AMPH: variants seen among roughly 807,000 people sequenced by gnomAD.
AMPH encodes the protein amphiphysin (Stiff-Mann syndrome with breast cancer 128kD autoantigen).
In AMPH, 49 loss-of-function variants were observed where a neutral mutation model predicts 99.1. The ratio of observed to expected loss-of-function variants is 0.49; its 90% confidence interval spans 0.39 to 0.63. AMPH has a LOEUF of 0.63. Ranked by LOEUF, AMPH falls within the 20% of genes least tolerant of loss-of-function variation. The pLI, the probability that AMPH is intolerant of heterozygous loss-of-function variation, is 0.00. For synonymous variants in AMPH, 314 were observed against 317.3 expected (o/e 0.99, Z 0.11); for missense variants, 759 against 863.4 (o/e 0.88, Z 1.52).
At chr7:38,508,629 G>C (rs1040232059) in intron 2 of AMPH, among the ~76,000 whole-genome samples, 3 of 152,164 alleles carry the variant, frequency 2.0e-5, no homozygotes, top group African/African-American at 7.2e-5. Context: ...TCATAAAGTT[G>C]CAATTTTACA....
intron 17 of AMPH, among the ~76,000 whole-genome samples, chr7:38,413,971 T>C (rs1785290997): frequency 6.6e-6 from 1 of 152,204 alleles, no homozygotes; most frequent in Non-Finnish European, 1.5e-5. Context: ...AACCTCTGTG[T>C]AACGTGCATC....
chr7:38,480,136 C>A (rs1160846574), intron 5 of AMPH, among the ~76,000 whole-genome samples: 1 of 152,034 alleles, frequency 6.6e-6, no homozygotes, highest in Non-Finnish European at 1.5e-5. Context: ...TAGCAACCTA[C>A]AGAATGAGTG....
intron 1 of AMPH, among the ~76,000 whole-genome samples, chr7:38,535,546 C>T (rs1209794513): frequency 6.6e-6 from 1 of 152,170 alleles, no homozygotes; most frequent in Non-Finnish European, 1.5e-5. Flanking sequence ...AAGCACACTA[C>T]ATTTATTGTG....
intron 17 of AMPH, 76 bp from the exon 18 acceptor site, chr7:38,394,290 T>C: frequency 6.8e-7 from 1 of 1,470,754 alleles, no homozygotes; most frequent in East Asian, 2.3e-5. Flanking sequence ...AGCCTATTTC[T>C]AATCTCCCCT....
At chr7:38,518,528 A>G (rs544351928) in intron 2 of AMPH, among the ~76,000 whole-genome samples, 79 of 152,252 alleles carry the variant, frequency 5.2e-4, no homozygotes, top group African/African-American at 1.8e-3. Flanking sequence ...TTAACGTTTA[A>G]TGTTTTCTCT....
intron 17 of AMPH, among the ~76,000 whole-genome samples, chr7:38,417,035 A>G (rs1785403847): frequency 6.6e-6 from 1 of 152,198 alleles, no homozygotes; most frequent in Non-Finnish European, 1.5e-5. Context: ...TGTACAGTCT[A>G]TGAAGGGTAA....
intron 1 of AMPH, among the ~76,000 whole-genome samples, chr7:38,613,922 C>T (rs1393875310): frequency 6.6e-6 from 1 of 152,108 alleles, no homozygotes. Context: ...AGGACCCATG[C>T]TCCTCCATGC....
intron 9 of AMPH, among the ~76,000 whole-genome samples, chr7:38,463,434 T>C (rs140977237): frequency 4.9e-4 from 74 of 152,334 alleles, no homozygotes; most frequent in Middle Eastern, 6.8e-3. Flanking sequence ...ATTTAGTGAA[T>C]CTGAATTCAG....
chr7:38,519,766 A>G (rs549844362), intron 2 of AMPH, among the ~76,000 whole-genome samples: 1 of 152,156 alleles, frequency 6.6e-6, no homozygotes, highest in East Asian at 1.9e-4. Context: ...GCATTCTCCA[A>G]TGGATAAAAG....
At chr7:38,578,458 TGCA>T (rs1215532412) in intron 1 of AMPH, among the ~76,000 whole-genome samples, 2 of 152,212 alleles carry the variant, frequency 1.3e-5, no homozygotes, top group Non-Finnish European at 2.9e-5. Flanking sequence ...TTTTAAATAT[TGCA>T]TCATTTAAAC....
chr7:38,586,920 C>T (rs117733396), intron 1 of AMPH, among the ~76,000 whole-genome samples: 5,515 of 152,174 alleles, frequency 0.036, 151 homozygotes, highest in South Asian at 0.074. Context: ...GATTAGAAAC[C>T]AGGTTGTCCT....
intron 1 of AMPH, among the ~76,000 whole-genome samples, chr7:38,614,858 A>G (rs1200072206): frequency 6.6e-6 from 1 of 152,190 alleles, no homozygotes; most frequent in Non-Finnish European, 1.5e-5. Flanking sequence ...GCTGATTATC[A>G]CATCAGTTTG....
chr7:38,407,855 A>C (rs1025563798), intron 17 of AMPH, among the ~76,000 whole-genome samples: 15 of 152,180 alleles, frequency 9.9e-5, no homozygotes, highest in African/African-American at 3.4e-4. Flanking sequence ...TACCCCAAAG[A>C]TGGAGAATAA....
At chr7:38,592,054 T>A (rs970265589) in intron 1 of AMPH, among the ~76,000 whole-genome samples, 1 of 152,206 alleles carries the variant, frequency 6.6e-6, no homozygotes, top group Non-Finnish European at 1.5e-5. Flanking sequence ...GTTTCTATTA[T>A]AGATTAACTA....
At chr7:38,503,564 T>G in intron 3 of AMPH, 86 bp downstream of exon 3, 1 of 1,421,914 alleles carries the variant, frequency 7.0e-7, no homozygotes. Flanking sequence ...CAAATGGCTT[T>G]GTAATTAACA....
chr7:38,586,265 C>T (rs1441432885), intron 1 of AMPH, among the ~76,000 whole-genome samples: 2 of 152,186 alleles, frequency 1.3e-5, no homozygotes, highest in Non-Finnish European at 2.9e-5. Flanking sequence ...GCTTCAACCC[C>T]TTATCAACAT....
rs145231522 is a variant in AMPH, at chr7:38,527,647, G to A, written c.150+7284C>T. 2.9e-3 allele frequency among the ~76,000 whole-genome samples: 444 copies of A among 152,206 alleles called. 2 individuals are homozygous for A. The highest frequency in any genetic ancestry group is 4.6e-3 in the Non-Finnish European group (314 of 67,984). On this transcript the variant is annotated intron_variant, in intron 2 of 20. Transcript: ENST00000356264. ...CTGTTAGAGTAGTATTTTCGTTGACGTCTTGGGATTTTCTATGTACATAAT... is the reference window on the plus strand; with the variant it reads ...CTGTTAGAGTAGTATTTTCGTTGACATCTTGGGATTTTCTATGTACATAAT...
chr7:38,504,593 A>G (rs1470985120), intron 2 of AMPH, among the ~76,000 whole-genome samples: 1 of 152,180 alleles, frequency 6.6e-6, no homozygotes, highest in African/African-American at 2.4e-5. Flanking sequence ...TGTCAATGAA[A>G]CACCCTATAG....
At chr7:38,529,056 A>C (rs1442933727) in intron 2 of AMPH, among the ~76,000 whole-genome samples, 1 of 152,120 alleles carries the variant, frequency 6.6e-6, no homozygotes, top group Non-Finnish European at 1.5e-5. Context: ...ACTCCTTCTC[A>C]TTAAGGTGTG....
Sources: gnomAD v4.1 joint callset for allele counts (sites outside exome capture counted in the v4.1 genomes callset) on GRCh38, gnomAD v4.1.1 for gene constraint, MANE v1.5 for transcripts, NCBI Gene and HGNC (gene_info 2026-07-23, HGNC 2026-07-21) for gene names.